ERAP2: variants seen among roughly 807,000 people sequenced by gnomAD.
ERAP2 encodes endoplasmic reticulum aminopeptidase 2.
In ERAP2, 118 loss-of-function variants were observed where a neutral mutation model predicts 111.1. That is an observed-to-expected ratio of 1.06 (90% CI 0.92 to 1.24). The LOEUF (loss-of-function observed/expected upper bound fraction) is 1.24, where lower values mean the gene tolerates loss of function less well. Among genes scored for constraint, ERAP2 ranks in the 50% most tolerant of loss-of-function variants. The pLI, the probability that ERAP2 is intolerant of heterozygous loss-of-function variation, is 0.00. For synonymous variants in ERAP2, 410 were observed against 401.2 expected (o/e 1.02, Z -0.26); for missense variants, 1,131 against 1,125.8 (o/e 1.00, Z -0.07).
At position 96,908,964 on chromosome 5, in the gene ERAP2, A is replaced by C; in HGVS notation, c.2016A>C (p.Ala672=). ...LIHDVFQLVG[A]GRLTLDKALD... The stretch of plus-strand genomic sequence containing the variant: ...TGACATTTGTTTTATACTTCAGTGC[A>C]GGGAGACTGACCCTAGACAAAGCTC... The change falls in exon 14 of 19, where the codon GCA becomes GCC. Residue 672 remains alanine (A), a synonymous_variant. Coordinates refer to ENST00000437043, the MANE Select transcript of ERAP2 (RefSeq NM_022350.5). 6.2e-7 allele frequency: 1 copy of C among 1,613,942 alleles called. No homozygotes were observed. Among genetic ancestry groups the C allele is most frequent in the Non-Finnish European group, 8.5e-7 (1 of 1,179,882 alleles).
chr5:96,877,815 A>G (rs1782710171), intron 1 of ERAP2, among the ~76,000 whole-genome samples: 1 of 152,054 alleles, frequency 6.6e-6, no homozygotes, highest in Non-Finnish European at 1.5e-5. Context: ...TGAGATTTGT[A>G]GCAGTAATTT....
Position 96,879,591 on chromosome 5 carries a change from T to C in ERAP2, c.-95T>C, listed in dbSNP as rs1782926982. ...TAAATTCATGTATTGAAAATATTGT[T>C]CAGACCCCATGTGACATAACTGGAG... On this transcript the variant is annotated 5_prime_UTR_variant, in exon 2 of 19. Coordinates refer to ENST00000437043, the MANE Select transcript of ERAP2 (RefSeq NM_022350.5). 1.1e-6 allele frequency: 1 copy of C among 912,070 alleles called. No homozygotes were observed. The highest frequency in any genetic ancestry group is 1.7e-6 in the Non-Finnish European group (1 of 584,002). 56.5% of individuals were successfully genotyped at this position (912,070 alleles called of 1,614,324 possible).
Position 96,915,742 on chromosome 5 carries a change from C to T in ERAP2, c.2712C>T (p.His904=). Residue 904 remains histidine, a synonymous_variant, in exon 18 of 19, where the codon CAC becomes CAT. Coordinates refer to ENST00000437043, the MANE Select transcript of ERAP2 (RefSeq NM_022350.5). ...IRMIISGTTA[H]FSSKDKLQEV... is the part of the protein sequence containing the mutation. The stretch of plus-strand genomic sequence containing the variant: ...TGATCATCTCTGGCACAACAGCTCA[C>T]TTTTCTTCCAAGGATAAGTTGCAAG... The T allele has an allele frequency of 6.2e-7, 1 of 1,600,092 alleles. No homozygotes were observed. Among genetic ancestry groups the T allele is most frequent in the Non-Finnish European group, 8.5e-7 (1 of 1,173,572 alleles).
rs1782933640 is a variant in ERAP2 at position 96,879,672 on chromosome 5, A to G, written c.-14A>G. 3 of 1,605,230 alleles carry G rather than the reference A, an allele frequency of 1.9e-6. No homozygotes were observed. The highest frequency in any genetic ancestry group is 2.6e-6 in the Non-Finnish European group (3 of 1,172,254). On this transcript the variant is annotated 5_prime_UTR_variant, in exon 2 of 19. Coordinates refer to ENST00000437043, the MANE Select transcript of ERAP2 (RefSeq NM_022350.5). ...TAGCCTGGATATTAACTTGTCTTCT[A>G]GAGAATAGATTTCATGTTCCATTCT...
chr5:96,886,639 C>T lies in ERAP2; in HGVS notation c.715-16C>T, dbSNP rs750038563. 2 of 1,488,264 alleles carry T rather than the reference C, an allele frequency of 1.3e-6. No homozygotes were observed. The highest frequency in any genetic ancestry group is 1.8e-6 in the Non-Finnish European group (2 of 1,099,144). The allele number at this position is 1,488,264 out of a possible 1,614,324, so 92.2% of individuals were successfully genotyped here. ...TCCAGTTTTCAAGTACTGATTATTC[C>T]TTTTCCTTTCTGTAGGTTAAGACAA... is the stretch of plus-strand genomic sequence containing the variant. On this transcript the variant is annotated splice_polypyrimidine_tract_variant and intron_variant, in intron 3 of 18. Transcript: ENST00000437043.
chr5:96,917,739 C>G lies in ERAP2; in HGVS notation c.*134C>G. On this transcript the variant is annotated 3_prime_UTR_variant, in exon 19 of 19. Transcript: ENST00000437043. ...GGCTAACACGGTGAGACCCCGTCTCCGCTAAAAATACAAAAAATTAGCCGG... is the reference window on the plus strand; with the variant it reads ...GGCTAACACGGTGAGACCCCGTCTCGGCTAAAAATACAAAAAATTAGCCGG... The G allele has an allele frequency of 3.5e-6, 2 of 569,582 alleles. No individual in the cohort carries two copies. The highest frequency in any genetic ancestry group is 5.0e-5 in the South Asian group (2 of 40,174). 35.3% of individuals were successfully genotyped at this position (569,582 alleles called of 1,614,324 possible). A position where few individuals can be genotyped will look rare whatever the true frequency, so the allele number is the denominator to read the frequency against.
intron 3 of ERAP2, among the ~76,000 whole-genome samples, chr5:96,885,302 C>CAGCA (rs1783611488): frequency 6.6e-6 from 1 of 152,170 alleles, no homozygotes; most frequent in African/African-American, 2.4e-5. Flanking sequence ...TACCATAAGA[C>CAGCA]AGCACCTCCT....
rs17408469 is a variant in ERAP2, at chr5:96,907,557, T to C, written c.2013-1404T>C. Among the ~76,000 whole-genome samples the C allele has an allele frequency of 2.5e-3, 361 of 145,370 alleles. 5 individuals are homozygous for C. The highest frequency in any genetic ancestry group is 8.8e-3 in the African/African-American group (344 of 38,934). ...TGCTGCTCACACAGGTGGGAAGGAG[T>C]AGCAACATTTTGTGGATTTTTTTTT... On this transcript the variant is annotated intron_variant, in intron 13 of 18. Coordinates refer to ENST00000437043, the MANE Select transcript of ERAP2 (RefSeq NM_022350.5).
At chr5:96,881,252 A>G (rs1383626911) in intron 2 of ERAP2, 1 of 370,960 alleles carries the variant, frequency 2.7e-6, no homozygotes, top group Non-Finnish European at 5.4e-6. Flanking sequence ...GAAGCAGAGT[A>G]ATCAATTGGG....
At chr5:96,877,480 A>G (rs928858997) in intron 1 of ERAP2, among the ~76,000 whole-genome samples, 3 of 152,246 alleles carry the variant, frequency 2.0e-5, no homozygotes, top group Admixed American at 6.5e-5. Flanking sequence ...TAATAATTTC[A>G]TATCCAACAC....
Position 96,902,318 on chromosome 5 carries a change from A to T in ERAP2, c.1793A>T (p.Asn598Ile). 1 of 1,612,496 alleles carries T rather than the reference A, an allele frequency of 6.2e-7. No homozygotes were observed. Among genetic ancestry groups the T allele is most frequent in the Non-Finnish European group, 8.5e-7 (1 of 1,178,682 alleles). Reference protein sequence around the residue: ...IPLTYSTSSSNVIHRHILKSK... With the variant: ...IPLTYSTSSSIVIHRHILKSK... ...TTGACCTACTCCACGAGTTCTTCTAATGTGATCCACAGACACATTCTAAAA... is the reference window on the plus strand; with the variant it reads ...TTGACCTACTCCACGAGTTCTTCTATTGTGATCCACAGACACATTCTAAAA... The change falls in exon 12 of 19, where the codon AAT becomes ATT. Residue 598 changes from asparagine (N) to isoleucine (I), a missense_variant. Around this residue, in one of 3 missense-constraint regions of ERAP2, gnomAD observed 847 missense variants for 856.5 expected, o/e 0.99. Transcript: ENST00000437043.
Position 96,913,476 on chromosome 5 carries a change from C to T in ERAP2, c.2657+19C>T, listed in dbSNP as rs1439115660. 3 of 1,612,912 alleles carry T rather than the reference C, an allele frequency of 1.9e-6. No individual in the cohort carries two copies. The African/African-American group carries it at 4.0e-5, about 22-fold the overall frequency. On this transcript the variant is annotated intron_variant, in intron 17 of 18. Coordinates refer to ENST00000437043, the MANE Select transcript of ERAP2 (RefSeq NM_022350.5). ...TGAAAAAGTTGGTATTCATTTTCAT[C>T]CAATGTTTGTTCTTCCATGCAGATG...
intron 4 of ERAP2, among the ~76,000 whole-genome samples, chr5:96,888,095 GCCT>G (rs1783949510): frequency 6.7e-6 from 1 of 149,442 alleles, no homozygotes; most frequent in Non-Finnish European, 1.5e-5. Context: ...AGGCACTCCA[GCCT>G]GGGTGACAAG....
At chr5:96,912,474 G>A (rs1326910633) in intron 15 of ERAP2, among the ~76,000 whole-genome samples, 163 bp from the exon 16 acceptor site, 1 of 152,050 alleles carries the variant, frequency 6.6e-6, no homozygotes, top group Non-Finnish European at 1.5e-5. Context: ...CAGAGTAAAA[G>A]CACATAAAAT....
At chr5:96,881,189 GCT>G (rs61168336) in intron 2 of ERAP2, 7,548 of 336,152 alleles carry the variant, frequency 0.022, 217 homozygotes, top group East Asian at 0.1. Flanking sequence ...GGAGGATTCT[GCT>G]CTGATTTATG....
intron 10 of ERAP2, among the ~76,000 whole-genome samples, chr5:96,900,785 C>G (rs1007782558): frequency 6.6e-6 from 1 of 152,058 alleles, no homozygotes; most frequent in African/African-American, 2.4e-5. Flanking sequence ...CAACCAATTC[C>G]TCTGCCTCAG....
At chr5:96,890,563 TG>T (rs766205623) in intron 5 of ERAP2, among the ~76,000 whole-genome samples, 1 of 152,228 alleles carries the variant, frequency 6.6e-6, no homozygotes, top group Non-Finnish European at 1.5e-5. Flanking sequence ...GATTAGTGCT[TG>T]GGGTTTCTGA....
chr5:96,884,281 A>T (rs567640197), intron 3 of ERAP2, among the ~76,000 whole-genome samples: 6 of 152,292 alleles, frequency 3.9e-5, no homozygotes, highest in Admixed American at 2.6e-4. Context: ...GTCCAGATTA[A>T]TGGTCTGAGA....
intron 4 of ERAP2, among the ~76,000 whole-genome samples, chr5:96,888,633 TGGAA>T (rs1180044755): frequency 6.6e-6 from 1 of 152,230 alleles, no homozygotes; most frequent in East Asian, 1.9e-4. Flanking sequence ...GCTCTATACT[TGGAA>T]GGCAAGAAAA....
Sources: allele counts gnomAD v4.1 joint callset (sites outside exome capture counted in the v4.1 genomes callset), GRCh38; gene constraint gnomAD v4.1.1; regional missense constraint gnomAD v4.1.1; transcripts MANE v1.5; gene names NCBI Gene and HGNC (gene_info 2026-07-23, HGNC 2026-07-21).